STX2: variants seen among roughly 807,000 people sequenced by gnomAD.
STX2 encodes the protein syntaxin 2, also known as syntaxin-2.
STX2 carries 27 observed loss-of-function variants against 40.6 expected under a neutral mutation model. That is an observed-to-expected ratio of 0.66 (90% CI 0.49 to 0.92). The LOEUF (loss-of-function observed/expected upper bound fraction) is 0.92, where lower values mean the gene tolerates loss of function less well. STX2 is among the 40% of genes least tolerant of loss of function. The probability of loss-of-function intolerance (pLI) is 0.00; values close to 1 mark genes in which losing one functional copy is unlikely to be tolerated. For synonymous variants in STX2, 123 were observed against 119.1 expected (o/e 1.03, Z -0.22); for missense variants, 328 against 366.1 (o/e 0.90, Z 0.85).
intron 1 of STX2, among the ~76,000 whole-genome samples, chr12:130,836,121 A>G (rs1952749472): frequency 6.7e-6 from 1 of 149,778 alleles, no homozygotes; most frequent in Admixed American, 6.7e-5. Context: ...TCTAAGAACT[A>G]CTGGGAAAGG....
In STX2 at chr12:130,791,300, T is replaced by C. The variant is rs925849171; in HGVS notation, c.*723A>G. The C allele has an allele frequency of 2.0e-5, 3 of 152,162 alleles. No homozygotes were observed. Among genetic ancestry groups the C allele is most frequent in the Admixed American group, 2.0e-4 (3 of 15,278 alleles). The allele number at this position is 152,162 out of a possible 1,614,324, so 9.4% of individuals were successfully genotyped here. ...ACTTTGGGAGGCTGAGGTGGGTGGA[T>C]CACAAGGTCAGGAGTTTGAGGCCAG... On this transcript the variant is annotated 3_prime_UTR_variant, in exon 11 of 11. Coordinates refer to ENST00000392373, the MANE Select transcript of STX2 (RefSeq NM_194356.4).
chr12:130,811,897 C>T lies in STX2; in HGVS notation c.280+1060G>A, dbSNP rs569089975. Among the ~76,000 whole-genome samples the T allele has an allele frequency of 3.9e-5, 6 of 152,246 alleles. No homozygotes were observed. The South Asian group carries it at 1.2e-3, about 32-fold the overall frequency. ...TAAAATCTGTAATCAGATGCTGCAT[C>T]TTTACATTTTAAAAACCCACAAAAA... On this transcript the variant is annotated intron_variant, in intron 4 of 10. Coordinates refer to ENST00000392373, the MANE Select transcript of STX2 (RefSeq NM_194356.4).
At chr12:130,830,556 T>C (rs981966344) in intron 1 of STX2, among the ~76,000 whole-genome samples, 15 of 152,242 alleles carry the variant, frequency 9.9e-5, no homozygotes. Flanking sequence ...CTGGAATATG[T>C]TTCCTCTATT....
At chr12:130,796,638 T>C (rs929960688) in intron 9 of STX2, among the ~76,000 whole-genome samples, 2 of 152,208 alleles carry the variant, frequency 1.3e-5, no homozygotes, top group Non-Finnish European at 2.9e-5. Flanking sequence ...GTAACTGTTA[T>C]TTCAGGTTTC....
intron 3 of STX2, among the ~76,000 whole-genome samples, chr12:130,813,678 C>T (rs1351116206): frequency 2.0e-5 from 3 of 152,188 alleles, no homozygotes; most frequent in South Asian, 2.1e-4. Flanking sequence ...CCACCCAGGG[C>T]GTCATAGCAG....
At position 130,807,458 on chromosome 12, in the gene STX2, G is replaced by A. The variant is rs943857998; in HGVS notation, c.355-368C>T. 8.0e-5 allele frequency among the ~76,000 whole-genome samples: 12 copies of A among 150,182 alleles called. No homozygotes were observed. In the South Asian group the frequency reaches 8.4e-4, roughly 11 times the overall value. ...TGCCCATGAGGGGACCCAGGCAAGCGGACCCCAGAGCCCGCGTGCTTCATC... is the reference window on the plus strand; with the variant it reads ...TGCCCATGAGGGGACCCAGGCAAGCAGACCCCAGAGCCCGCGTGCTTCATC... On this transcript the variant is annotated intron_variant, in intron 5 of 10. Coordinates refer to ENST00000392373, the MANE Select transcript of STX2 (RefSeq NM_194356.4).
intron 2 of STX2, among the ~76,000 whole-genome samples, chr12:130,824,290 C>A (rs1034427203): frequency 2.8e-5 from 4 of 143,310 alleles, no homozygotes; most frequent in Admixed American, 1.4e-4. Context: ...AGGAGGCTGA[C>A]AAGAGAATTG....
chr12:130,791,679 G>C lies in STX2; in HGVS notation c.*344C>G. The C allele has an allele frequency of 2.0e-6, 1 of 497,046 alleles. No individual in the cohort carries two copies. The highest frequency in any genetic ancestry group is 3.5e-6 in the Non-Finnish European group (1 of 282,008). The allele number at this position is 497,046 out of a possible 1,614,324, so 30.8% of individuals were successfully genotyped here. On this transcript the variant is annotated 3_prime_UTR_variant, in exon 11 of 11. Coordinates refer to ENST00000392373, the MANE Select transcript of STX2 (RefSeq NM_194356.4). ...AGAAGTCTCACACTGCTCACATTCT[G>C]TAGTGTGTCATTCAGGGTCACGCAT...
chr12:130,838,174 T>G (rs12821464), intron 1 of STX2, among the ~76,000 whole-genome samples: 53,225 of 152,076 alleles, frequency 0.35, 9,758 homozygotes, highest in African/African-American at 0.43. Context: ...ACACGTAGCA[T>G]GAATTAGTAC....
At chr12:130,813,221 G>C (rs1951726398) in intron 3 of STX2, among the ~76,000 whole-genome samples, 190 bp from the exon 4 acceptor site, 1 of 152,136 alleles carries the variant, frequency 6.6e-6, no homozygotes, top group Non-Finnish European at 1.5e-5. Flanking sequence ...ATAAATATCA[G>C]GTGGCAGCTT....
intron 2 of STX2, among the ~76,000 whole-genome samples, chr12:130,826,839 A>G (rs1451447351): frequency 1.8e-5 from 2 of 110,564 alleles, no homozygotes; most frequent in Non-Finnish European, 4.3e-5. Context: ...CGTCTCTACT[A>G]AAAGTGCAAA....
intron 2 of STX2, among the ~76,000 whole-genome samples, chr12:130,824,221 C>T (rs1166803088): frequency 2.0e-5 from 3 of 152,094 alleles, no homozygotes; most frequent in African/African-American, 7.2e-5. Context: ...AAAATGCCGT[C>T]TCTACTAAAA....
At chr12:130,800,431 A>T (rs544502701) in intron 8 of STX2, among the ~76,000 whole-genome samples, 35 of 151,716 alleles carry the variant, frequency 2.3e-4, no homozygotes, top group Admixed American at 8.6e-4. Context: ...CTCCCAGAGG[A>T]GTTTTCTATT....
intron 4 of STX2, among the ~76,000 whole-genome samples, chr12:130,810,218 G>A (rs921728167): frequency 1.3e-5 from 2 of 152,200 alleles, no homozygotes; most frequent in Non-Finnish European, 2.9e-5. Context: ...GTGTCAGTGA[G>A]AACCAGAATT....
chr12:130,798,361 A>G, intron 9 of STX2, 164 bp downstream of exon 9: 2 of 484,326 alleles, frequency 4.1e-6, no homozygotes, highest in Non-Finnish European at 6.9e-6. Context: ...CATCTAATAA[A>G]CCTTTTAAAT....
intron 3 of STX2, among the ~76,000 whole-genome samples, chr12:130,816,159 T>C (rs1951850795): frequency 6.6e-6 from 1 of 152,096 alleles, no homozygotes; most frequent in South Asian, 2.1e-4. Context: ...AGCAAGGGCA[T>C]TTGTGCAGGG....
intron 2 of STX2, among the ~76,000 whole-genome samples, chr12:130,826,241 C>A (rs992706420): frequency 5.9e-5 from 9 of 152,220 alleles, no homozygotes; most frequent in African/African-American, 1.9e-4. Flanking sequence ...GTGGGAGCCA[C>A]GCACACCTGA....
chr12:130,815,590 C>A (rs1427565325), intron 3 of STX2, among the ~76,000 whole-genome samples: 1 of 152,178 alleles, frequency 6.6e-6, no homozygotes, highest in African/African-American at 2.4e-5. Context: ...TTCAGGAATG[C>A]AACTGCCGTG....
intron 4 of STX2, chr12:130,812,262 T>C (rs1012703656): frequency 2.4e-6 from 1 of 421,368 alleles, no homozygotes; most frequent in African/African-American, 2.1e-5. Context: ...GGTTTAGATA[T>C]AATTGTGGTT....
Sources: allele counts gnomAD v4.1 joint callset (sites outside exome capture counted in the v4.1 genomes callset), GRCh38; gene constraint gnomAD v4.1.1; transcripts MANE v1.5; gene names NCBI Gene and HGNC (gene_info 2026-07-23, HGNC 2026-07-21).